ANGPT1: variants seen among roughly 807,000 people sequenced by gnomAD.
ANGPT1 encodes the protein angiopoietin-1.
A neutral mutation model predicts 62.2 loss-of-function variants in ANGPT1; 17 were observed. That is an observed-to-expected ratio of 0.27 (90% CI 0.19 to 0.41). The LOEUF is 0.41. Ranked by LOEUF, ANGPT1 falls within the 10% of genes least tolerant of loss-of-function variation. ANGPT1 has a pLI of 1.00. For missense variants in ANGPT1, 478 were observed against 594.9 expected (o/e 0.80, Z 2.04); for synonymous variants, 199 against 198.9 (o/e 1.00, Z 0.00).
intron 3 of ANGPT1, among the ~76,000 whole-genome samples, chr8:107,322,502 G>GA (rs1378056423): frequency 6.6e-6 from 1 of 151,952 alleles, no homozygotes; most frequent in Non-Finnish European, 1.5e-5. Flanking sequence ...AATAGTTCAG[G>GA]AAAAAAACAA....
At chr8:107,471,044 G>C (rs552829509) in intron 1 of ANGPT1, among the ~76,000 whole-genome samples, 123 of 152,186 alleles carry the variant, frequency 8.1e-4, no homozygotes, top group African/African-American at 2.7e-3. Flanking sequence ...TTCTATTACT[G>C]GGTAGATACC....
Position 107,251,964 on chromosome 8 carries a change from G to T in ANGPT1, c.1388C>A (p.Thr463Asn), listed in dbSNP as rs753167653. The stretch of plus-strand genomic sequence containing the variant: ...CAGTTTTCCATGGTTTTGTCCCGCA[G>T]TATAGAACATTCCATTTAGATTGGA... ...GPSNLNGMFY[T>N]AGQNHGKLNG... The change falls in exon 9 of 9, where the codon ACT becomes AAT. Residue 463 changes from threonine to asparagine, a missense_variant. By Grantham distance (65) the Thr-to-Asn change is moderately conservative (BLOSUM62 0). Coordinates refer to ENST00000517746, the MANE Select transcript of ANGPT1 (RefSeq NM_001146.5). 30 of 1,613,738 alleles carry T rather than the reference G, an allele frequency of 1.9e-5. No homozygotes were observed. The highest frequency in any genetic ancestry group is 2.5e-5 in the Non-Finnish European group (29 of 1,179,844).
chr8:107,480,493 T>C (rs570168848), intron 1 of ANGPT1, among the ~76,000 whole-genome samples: 1 of 152,280 alleles, frequency 6.6e-6, no homozygotes, highest in African/African-American at 2.4e-5. Flanking sequence ...AGTTTACAAA[T>C]GGATAACTCA....
At chr8:107,312,786 C>T (rs1414601943) in intron 4 of ANGPT1, among the ~76,000 whole-genome samples, 1 of 152,016 alleles carries the variant, frequency 6.6e-6, no homozygotes, top group African/African-American at 2.4e-5. Flanking sequence ...TGCCATACTT[C>T]TATGTTAAGC....
chr8:107,281,395 C>T (rs1245270723), intron 7 of ANGPT1, among the ~76,000 whole-genome samples: 4 of 151,674 alleles, frequency 2.6e-5, no homozygotes, highest in Admixed American at 1.3e-4. Context: ...AAACAAAAAC[C>T]TAGTATGAAT....
intron 6 of ANGPT1, among the ~76,000 whole-genome samples, chr8:107,285,390 C>T (rs982154116): frequency 2.0e-5 from 3 of 151,964 alleles, no homozygotes; most frequent in African/African-American, 7.3e-5. Flanking sequence ...ATTACTTTTG[C>T]ACCAAACTAA....
chr8:107,425,022 G>A (rs1029441029), intron 1 of ANGPT1, among the ~76,000 whole-genome samples: 5 of 152,014 alleles, frequency 3.3e-5, no homozygotes, highest in African/African-American at 9.7e-5. Flanking sequence ...CTACAGGCAC[G>A]TGTCACCACG....
intron 1 of ANGPT1, among the ~76,000 whole-genome samples, chr8:107,364,934 G>A (rs1456738417): frequency 6.6e-6 from 1 of 151,562 alleles, no homozygotes; most frequent in Non-Finnish European, 1.5e-5. Flanking sequence ...GGTAAGAGGT[G>A]TAGGGAGCAA....
chr8:107,437,976 C>A (rs1442488560), intron 1 of ANGPT1, among the ~76,000 whole-genome samples: 4 of 152,174 alleles, frequency 2.6e-5, no homozygotes, highest in Non-Finnish European at 5.9e-5. Context: ...CGCTGTGACC[C>A]TGCTGGACCT....
At chr8:107,252,738 C>A (rs1813274481) in intron 8 of ANGPT1, among the ~76,000 whole-genome samples, 2 of 152,156 alleles carry the variant, frequency 1.3e-5, no homozygotes, top group Admixed American at 1.3e-4. Flanking sequence ...CATGGAAATT[C>A]TATGCTTGTA....
At chr8:107,373,783 T>C (rs951694405) in intron 1 of ANGPT1, among the ~76,000 whole-genome samples, 1 of 152,214 alleles carries the variant, frequency 6.6e-6, no homozygotes, top group Non-Finnish European at 1.5e-5. Flanking sequence ...AAATCTGACT[T>C]ATTGTGTCTT....
intron 1 of ANGPT1, among the ~76,000 whole-genome samples, chr8:107,390,514 AGGTGG>A (rs1816814231): frequency 6.6e-6 from 1 of 152,184 alleles, no homozygotes; most frequent in African/African-American, 2.4e-5. Context: ...TATTGTTCAA[AGGTGG>A]TAACCAAAAT....
intron 4 of ANGPT1, among the ~76,000 whole-genome samples, chr8:107,317,191 C>A (rs1247717477): frequency 6.6e-6 from 1 of 152,176 alleles, no homozygotes; most frequent in Non-Finnish European, 1.5e-5. Flanking sequence ...TTTTTCTCTC[C>A]TATCAAACCC....
Position 107,336,161 on chromosome 8 carries a change from A to T in ANGPT1, c.564T>A (p.His188Gln), listed in dbSNP as rs760000862. 2.5e-6 allele frequency: 4 copies of T among 1,599,130 alleles called. No individual in the cohort carries two copies. Among genetic ancestry groups the T allele is most frequent in the Admixed American group, 3.6e-5 (2 of 55,544 alleles). Residue 188 changes from histidine to glutamine, a missense_variant, in exon 3 of 9, where the codon CAT becomes CAA. Coordinates refer to ENST00000517746, the MANE Select transcript of ANGPT1 (RefSeq NM_001146.5). ...LQQTNEILKI[H>Q]EKNSLLEHKI... ...AAAGCAATCCTCACCTGTTTTTTTCATGGATCTTCAAGATTTCATTTGTCT... is the reference window on the plus strand; with the variant it reads ...AAAGCAATCCTCACCTGTTTTTTTCTTGGATCTTCAAGATTTCATTTGTCT...
intron 1 of ANGPT1, among the ~76,000 whole-genome samples, chr8:107,472,160 A>T (rs1420674348): frequency 6.6e-6 from 1 of 152,100 alleles, no homozygotes; most frequent in Non-Finnish European, 1.5e-5. Context: ...ACACAGAATA[A>T]AAGTGCCATT....
intron 7 of ANGPT1, among the ~76,000 whole-genome samples, chr8:107,270,873 G>C (rs1813718059): frequency 6.6e-6 from 1 of 152,018 alleles, no homozygotes; most frequent in African/African-American, 2.4e-5. Flanking sequence ...AAGAGGATGT[G>C]AGTAGGAAGA....
intron 1 of ANGPT1, among the ~76,000 whole-genome samples, chr8:107,432,981 TATA>T (rs1183647584): frequency 6.6e-6 from 1 of 152,198 alleles, no homozygotes. Flanking sequence ...AGAGAGTTTT[TATA>T]AAAGCAATGA....
At chr8:107,427,473 T>C (rs1330430648) in intron 1 of ANGPT1, among the ~76,000 whole-genome samples, 1 of 152,212 alleles carries the variant, frequency 6.6e-6, no homozygotes, top group African/African-American at 2.4e-5. Flanking sequence ...TCTTCCTCCC[T>C]GTACTTGCAG....
chr8:107,375,033 G>T (rs1672185), intron 1 of ANGPT1, among the ~76,000 whole-genome samples: 29 of 151,692 alleles, frequency 1.9e-4, no homozygotes, highest in African/African-American at 6.5e-4. Flanking sequence ...GGTGGCACGC[G>T]CCTACAGTCC....
Sources: gnomAD v4.1 joint callset for allele counts (sites outside exome capture counted in the v4.1 genomes callset) on GRCh38, gnomAD v4.1.1 for gene constraint, MANE v1.5 for transcripts, NCBI Gene and HGNC (gene_info 2026-07-23, HGNC 2026-07-21) for gene names.